LSAMP: variants seen among roughly 807,000 people sequenced by gnomAD.
LSAMP encodes the protein limbic system-associated membrane protein.
LSAMP carries 7 observed loss-of-function variants against 38.6 expected under a neutral mutation model. The ratio of observed to expected loss-of-function variants is 0.18; its 90% CI spans 0.10 to 0.34. LSAMP has a LOEUF of 0.34. Ranked by LOEUF, LSAMP falls within the 10% of genes least tolerant of loss-of-function variation. The probability of loss-of-function intolerance (pLI) is 1.00; values close to 1 mark genes in which losing one functional copy is unlikely to be tolerated. For synonymous variants in LSAMP, 154 were observed against 166.8 expected, an observed-to-expected ratio of 0.92 and a Z score of 0.59; for missense variants, 313 against 420.0, an observed-to-expected ratio of 0.75 and a Z score of 2.23.
intron 1 of LSAMP, among the ~76,000 whole-genome samples, chr3:116,102,314 C>T (rs568172957): frequency 3.3e-5 from 5 of 152,316 alleles, no homozygotes; most frequent in African/African-American, 9.6e-5. Context: ...TATTATAAAA[C>T]ACAATCTCAG....
chr3:116,151,707 C>G (rs979823420), intron 1 of LSAMP, among the ~76,000 whole-genome samples: 1 of 151,972 alleles, frequency 6.6e-6, no homozygotes, highest in South Asian at 2.1e-4. Flanking sequence ...TCCGTAAAGA[C>G]CAAAACCCAG....
chr3:115,927,769 C>T (rs1011313301), intron 3 of LSAMP, among the ~76,000 whole-genome samples: 26 of 152,108 alleles, frequency 1.7e-4, no homozygotes, highest in African/African-American at 5.6e-4. Flanking sequence ...CCGCCTGGCC[C>T]CTTCGTCCCC....
chr3:116,179,965 A>G (rs1455886242), intron 1 of LSAMP, among the ~76,000 whole-genome samples: 3 of 152,222 alleles, frequency 2.0e-5, no homozygotes, highest in Admixed American at 2.0e-4. Flanking sequence ...TGGCCAAAGA[A>G]GTAGTATTTG....
At chr3:115,904,572 T>G (rs1936962335) in intron 3 of LSAMP, among the ~76,000 whole-genome samples, 2 of 152,070 alleles carry the variant, frequency 1.3e-5, no homozygotes, top group Non-Finnish European at 2.9e-5. Context: ...ACATTAAAAT[T>G]TCTTCCTAAC....
intron 1 of LSAMP, among the ~76,000 whole-genome samples, chr3:116,319,166 T>C (rs1275775437): frequency 6.6e-6 from 1 of 152,246 alleles, no homozygotes. Flanking sequence ...CACAGAAATA[T>C]ACTTGTTTTA....
intron 1 of LSAMP, among the ~76,000 whole-genome samples, chr3:116,326,657 AT>A: frequency 6.6e-6 from 1 of 152,100 alleles, no homozygotes; most frequent in Admixed American, 6.6e-5. Flanking sequence ...AGTTGATACC[AT>A]TTTTCTCAAT....
chr3:116,072,752 GT>G lies in LSAMP; in HGVS notation c.388+13571del, dbSNP rs36091421. On this transcript the variant is annotated intron_variant, in intron 2 of 6. Coordinates refer to ENST00000490035, the MANE Select transcript of LSAMP (RefSeq NM_002338.5). ...TTACTTTTTGAAGGGGTTGTTTGTG[GT>G]TTTTTTTTTTTTTTTTTGTAAAATT... is the stretch of plus-strand genomic sequence containing the variant. 8.1e-3 allele frequency among the ~76,000 whole-genome samples: 914 copies of G among 112,332 alleles called. 2 individuals carry two copies. Among genetic ancestry groups the G allele is most frequent in the South Asian group, 0.018 (60 of 3,332 alleles). The allele number at this position is 112,332 out of a possible 152,430, so 73.7% of individuals were successfully genotyped here.
intron 3 of LSAMP, among the ~76,000 whole-genome samples, chr3:115,892,589 T>G (rs1454981161): frequency 1.2e-4 from 18 of 151,842 alleles, no homozygotes; most frequent in Admixed American, 1.2e-3. Context: ...TAAGGGGGGT[T>G]TCGGGAGTGC....
intron 1 of LSAMP, among the ~76,000 whole-genome samples, chr3:116,164,621 T>TCC (rs1709989934): frequency 8.3e-6 from 1 of 120,482 alleles, no homozygotes; most frequent in Non-Finnish European, 1.7e-5. Context: ...TATATATATA[T>TCC]AATCCAAATA....
intron 6 of LSAMP, chr3:115,834,639 A>ATT (rs1465203315): frequency 1.9e-6 from 2 of 1,032,324 alleles, no homozygotes; most frequent in Non-Finnish European, 2.5e-6. Context: ...GATTTTAAAT[A>ATT]TTATATATAT....
chr3:116,169,643 G>C (rs62269190), intron 1 of LSAMP, among the ~76,000 whole-genome samples: 1 of 152,018 alleles, frequency 6.6e-6, no homozygotes, highest in South Asian at 2.1e-4. Flanking sequence ...TGTAAGGCAG[G>C]CCTTCTAAAA....
intron 1 of LSAMP, among the ~76,000 whole-genome samples, chr3:116,132,868 G>A (rs1440634563): frequency 2.0e-5 from 3 of 152,098 alleles, no homozygotes; most frequent in African/African-American, 7.2e-5. Flanking sequence ...TGATGTTCAC[G>A]TGAGAGAACC....
At chr3:115,821,387 A>G (rs937844365) in intron 6 of LSAMP, among the ~76,000 whole-genome samples, 22 of 152,328 alleles carry the variant, frequency 1.4e-4, no homozygotes, top group Non-Finnish European at 1.3e-4. Flanking sequence ...ACTTTTGACA[A>G]CTTTTCTCTA....
intron 3 of LSAMP, among the ~76,000 whole-genome samples, chr3:115,873,763 C>T (rs1936109830): frequency 6.6e-6 from 1 of 152,068 alleles, no homozygotes; most frequent in Non-Finnish European, 1.5e-5. Flanking sequence ...CTAAGAAGTT[C>T]AAAAGAGATA....
intron 6 of LSAMP, among the ~76,000 whole-genome samples, chr3:115,840,795 G>T (rs1157406720): frequency 1.3e-5 from 2 of 151,662 alleles, no homozygotes; most frequent in Non-Finnish European, 2.9e-5. Context: ...ATTTCTTCTG[G>T]TCATAGTATT....
At chr3:116,155,343 G>A (rs934667854) in intron 1 of LSAMP, among the ~76,000 whole-genome samples, 1 of 151,968 alleles carries the variant, frequency 6.6e-6, no homozygotes. Flanking sequence ...TTCTGCCTCA[G>A]TCTCCCAAGA....
chr3:116,256,326 A>AC (rs1260939747), intron 1 of LSAMP, among the ~76,000 whole-genome samples: 3 of 152,194 alleles, frequency 2.0e-5, no homozygotes, highest in African/African-American at 7.2e-5. Context: ...ATTTGCGCAG[A>AC]CCTCAGTAGT....
At chr3:116,091,812 G>A (rs1450519884) in intron 1 of LSAMP, among the ~76,000 whole-genome samples, 8 of 152,212 alleles carry the variant, frequency 5.3e-5, no homozygotes, top group African/African-American at 1.4e-4. Flanking sequence ...TAATGACAAT[G>A]GGTGTTAGTG....
At position 115,810,286 on chromosome 3, in the gene LSAMP, TTTTTTAAATTA is replaced by T; in HGVS notation, c.*20_*30del. 5 of 1,449,362 alleles carry T rather than the reference TTTTTTAAATTA, an allele frequency of 3.4e-6. No homozygotes were observed. The highest frequency in any genetic ancestry group is 3.8e-6 in the Non-Finnish European group (4 of 1,056,940). 89.8% of individuals were successfully genotyped at this position (1,449,362 alleles called of 1,614,324 possible). A position where few individuals can be genotyped will look rare whatever the true frequency, so the allele number is the denominator to read the frequency against. On this transcript the variant is annotated 3_prime_UTR_variant, in exon 7 of 7. Transcript: ENST00000490035. The stretch of plus-strand genomic sequence containing the variant: ...ATTCTGTGTGACGCATTTTTGTGTG[TTTTTTAAATTA>T]TTTTTAAATTTTTATTCTATTAACA...
Sources: gnomAD v4.1 joint callset for allele counts (sites outside exome capture counted in the v4.1 genomes callset) on GRCh38, gnomAD v4.1.1 for gene constraint, MANE v1.5 for transcripts, NCBI Gene and HGNC (gene_info 2026-07-23, HGNC 2026-07-21) for gene names.